The following RPS6KC1 variants were observed in gnomAD, a reference collection of about 807,000 sequenced individuals.
RPS6KC1 encodes inactive ribosomal protein S6 kinase delta-1.
RPS6KC1 carries 54 observed loss-of-function variants against 103.8 expected under a neutral mutation model. That is an observed-to-expected ratio of 0.52 (90% CI 0.42 to 0.65). The LOEUF (loss-of-function observed/expected upper bound fraction) is 0.65, where lower values mean the gene tolerates loss of function less well. RPS6KC1 is among the 30% of genes least tolerant of loss of function. The probability of loss-of-function intolerance (pLI) is 0.00; values close to 1 mark genes in which losing one functional copy is unlikely to be tolerated. For missense variants in RPS6KC1, 1,151 were observed against 1,253.8 expected, an observed-to-expected ratio of 0.92 and a Z score of 1.24; for synonymous variants, 439 against 438.7, an observed-to-expected ratio of 1.00 and a Z score of -0.01.
chr1:213,520,663 A>G, the RPS6KC1 span, among the ~76,000 whole-genome samples: 9 of 151,736 alleles, frequency 5.9e-5, no homozygotes, highest in East Asian at 1.5e-3. Flanking sequence ...TTCCTTCCCT[A>G]CCAAACCCAT....
chr1:213,745,972 C>T, the RPS6KC1 span, among the ~76,000 whole-genome samples: 2 of 152,156 alleles, frequency 1.3e-5, no homozygotes, highest in Admixed American at 6.5e-5. Context: ...ATTCTATCTA[C>T]TATATCTGAT....
At chr1:213,280,795 A>G in the RPS6KC1 span, among the ~76,000 whole-genome samples, 2,146 of 152,312 alleles carry the variant, frequency 0.014, 123 homozygotes, top group Admixed American at 0.11. Flanking sequence ...TGACCTCTCA[A>G]TGGGCACCTT....
the RPS6KC1 span, among the ~76,000 whole-genome samples, chr1:213,699,990 T>C: frequency 6.6e-6 from 1 of 152,146 alleles, no homozygotes; most frequent in African/African-American, 2.4e-5. Context: ...TTTCTCCCAT[T>C]TTGTGGCTTG....
the RPS6KC1 span, among the ~76,000 whole-genome samples, chr1:213,611,523 C>G: frequency 6.6e-6 from 1 of 152,122 alleles, no homozygotes; most frequent in African/African-American, 2.4e-5. Flanking sequence ...GCTCTTATTC[C>G]ATGAAATGAC....
the RPS6KC1 span, among the ~76,000 whole-genome samples, chr1:213,664,256 A>T: frequency 1.3e-5 from 2 of 150,786 alleles, no homozygotes. Context: ...AGCGGGAAGC[A>T]GGACCGTGGC....
At chr1:213,525,946 G>A in the RPS6KC1 span, among the ~76,000 whole-genome samples, 1 of 152,132 alleles carries the variant, frequency 6.6e-6, no homozygotes, top group African/African-American at 2.4e-5. Context: ...AAAGAATTGT[G>A]CTGCTGATAG....
the RPS6KC1 span, among the ~76,000 whole-genome samples, chr1:213,342,649 T>C: frequency 6.6e-6 from 1 of 152,028 alleles, no homozygotes; most frequent in African/African-American, 2.4e-5. Context: ...TTTTTTTTCA[T>C]GCTATCAGAA....
At chr1:213,792,530 T>C in the RPS6KC1 span, among the ~76,000 whole-genome samples, 1 of 152,082 alleles carries the variant, frequency 6.6e-6, no homozygotes, top group Admixed American at 6.6e-5. Flanking sequence ...TAAACCCAAT[T>C]CTTCCCTCAA....
chr1:213,336,614 C>A, the RPS6KC1 span, among the ~76,000 whole-genome samples: 1 of 152,120 alleles, frequency 6.6e-6, no homozygotes, highest in Non-Finnish European at 1.5e-5. Context: ...GATCACATAC[C>A]TTTTCCAATT....
the RPS6KC1 span, among the ~76,000 whole-genome samples, chr1:213,823,585 T>C: frequency 3.9e-5 from 6 of 152,140 alleles, no homozygotes; most frequent in Admixed American, 3.9e-4. Context: ...TCCTTATATA[T>C]GGTAACCACT....
intron 4 of RPS6KC1, among the ~76,000 whole-genome samples, chr1:213,109,634 G>A (rs1353754663): frequency 6.6e-6 from 1 of 151,804 alleles, no homozygotes; most frequent in African/African-American, 2.4e-5. Context: ...CCATTTTTGT[G>A]ATTATGTAAT....
the RPS6KC1 span, among the ~76,000 whole-genome samples, chr1:213,514,542 C>T: frequency 6.6e-6 from 1 of 152,030 alleles, no homozygotes; most frequent in Admixed American, 6.5e-5. Context: ...ATCCATGTCC[C>T]TACAAAGGAC....
chr1:213,541,093 A>G, the RPS6KC1 span, among the ~76,000 whole-genome samples: 1 of 60,306 alleles, frequency 1.7e-5, no homozygotes, highest in East Asian at 5.7e-4. Context: ...TGGGGTTTGG[A>G]ATCAACTTCA....
chr1:213,142,738 A>G (rs1370500963), intron 6 of RPS6KC1, among the ~76,000 whole-genome samples: 2 of 152,124 alleles, frequency 1.3e-5, no homozygotes, highest in African/African-American at 4.8e-5. Flanking sequence ...AACAGCAAAA[A>G]GATTGCGACT....
chr1:213,067,776 T>G (rs1249752687), intron 1 of RPS6KC1, among the ~76,000 whole-genome samples: 1 of 152,328 alleles, frequency 6.6e-6, no homozygotes, highest in Middle Eastern at 3.4e-3. Context: ...AGAGGACGGC[T>G]GAGAAATAAT....
the RPS6KC1 span, among the ~76,000 whole-genome samples, chr1:213,589,155 C>T: frequency 6.6e-6 from 1 of 152,150 alleles, no homozygotes; most frequent in Admixed American, 6.5e-5. Context: ...TTGCTTAGCT[C>T]TAGATGTTTC....
chr1:213,548,848 TA>T, the RPS6KC1 span, among the ~76,000 whole-genome samples: 1 of 152,210 alleles, frequency 6.6e-6, no homozygotes, highest in African/African-American at 2.4e-5. Context: ...TTATATACTT[TA>T]TTGTATTCAA....
intron 6 of RPS6KC1, among the ~76,000 whole-genome samples, chr1:213,154,806 T>C (rs1460311568): frequency 6.6e-6 from 1 of 152,204 alleles, no homozygotes; most frequent in Non-Finnish European, 1.5e-5. Context: ...TTCCCTCTGC[T>C]TTTCTCAAGC....
the RPS6KC1 span, among the ~76,000 whole-genome samples, chr1:213,650,681 C>T: frequency 6.6e-6 from 1 of 152,082 alleles, no homozygotes; most frequent in African/African-American, 2.4e-5. Flanking sequence ...GACAAGTCTC[C>T]CTTGCCTCCT....
Sources: allele counts gnomAD v4.1 joint callset (sites outside exome capture counted in the v4.1 genomes callset), GRCh38; gene constraint gnomAD v4.1.1; transcripts MANE v1.5; gene names NCBI Gene and HGNC (gene_info 2026-07-23, HGNC 2026-07-21).